EYA2: variants seen among roughly 807,000 people sequenced by gnomAD.
The protein encoded by EYA2 is EYA transcriptional coactivator and phosphatase 2.
In EYA2, 31 loss-of-function variants were observed where a neutral mutation model predicts 69.2. The ratio of observed to expected loss-of-function variants is 0.45; its 90% confidence interval spans 0.34 to 0.60. The LOEUF is 0.60. Ranked by LOEUF, EYA2 falls within the 20% of genes least tolerant of loss-of-function variation. EYA2 has a pLI of 0.02. For missense variants in EYA2, 622 were observed against 701.2 expected, an observed-to-expected ratio of 0.89 and a Z score of 1.28; for synonymous variants, 257 against 279.4, an observed-to-expected ratio of 0.92 and a Z score of 0.80.
chr20:46,958,745 A>G (rs1979293610), intron 1 of EYA2, among the ~76,000 whole-genome samples: 1 of 152,086 alleles, frequency 6.6e-6, no homozygotes, highest in Admixed American at 6.5e-5. Flanking sequence ...CTGTGTGTCC[A>G]TGTATTCTCA....
At chr20:47,063,579 C>T (rs1210987688) in intron 5 of EYA2, among the ~76,000 whole-genome samples, 1 of 152,144 alleles carries the variant, frequency 6.6e-6, no homozygotes, top group Non-Finnish European at 1.5e-5. Context: ...TTTGCAACTC[C>T]CTGCCCCTTT....
chr20:47,147,280 C>G (rs1189599553), intron 10 of EYA2, among the ~76,000 whole-genome samples: 1 of 151,922 alleles, frequency 6.6e-6, no homozygotes, highest in Non-Finnish European at 1.5e-5. Context: ...AACTCCTGAC[C>G]TCAAGTGATC....
chr20:47,171,882 C>A (rs75544248), intron 11 of EYA2, among the ~76,000 whole-genome samples: 2,714 of 151,580 alleles, frequency 0.018, 116 homozygotes, highest in East Asian at 0.18. Context: ...ACTTGAGGTC[C>A]GGAGTGCAAG....
At chr20:47,013,750 T>C (rs1983230407) in intron 4 of EYA2, among the ~76,000 whole-genome samples, 1 of 151,682 alleles carries the variant, frequency 6.6e-6, no homozygotes, top group African/African-American at 2.4e-5. Context: ...CACTGCAGAG[T>C]TTAGATTTTA....
chr20:47,065,741 C>A (rs2031084784), intron 5 of EYA2, among the ~76,000 whole-genome samples: 1 of 152,116 alleles, frequency 6.6e-6, no homozygotes, highest in South Asian at 2.1e-4. Context: ...CTTTCAATTT[C>A]TCTATTTATC....
At chr20:47,026,322 G>A (rs1984080612) in intron 5 of EYA2, among the ~76,000 whole-genome samples, 1 of 152,096 alleles carries the variant, frequency 6.6e-6, no homozygotes, top group Admixed American at 6.5e-5. Context: ...AAAAATACTA[G>A]AACGAGAATA....
chr20:46,987,999 G>GATATATATATATATATATAT (rs1568707249), intron 1 of EYA2, among the ~76,000 whole-genome samples: 1 of 37,118 alleles, frequency 2.7e-5, no homozygotes, highest in African/African-American at 1.2e-4. Context: ...TATATATATG[G>GATATATATATATATATATAT]GGCAAAAAAA....
At chr20:46,898,479 A>G (rs1440178661) in intron 1 of EYA2, among the ~76,000 whole-genome samples, 1 of 151,922 alleles carries the variant, frequency 6.6e-6, no homozygotes, top group African/African-American at 2.4e-5. Flanking sequence ...CCCCAATGTC[A>G]TAACAGCTTC....
At chr20:47,002,294 A>G (rs959274657) in intron 3 of EYA2, among the ~76,000 whole-genome samples, 2 of 152,104 alleles carry the variant, frequency 1.3e-5, no homozygotes, top group Non-Finnish European at 2.9e-5. Context: ...TGCACCTGTC[A>G]ACCCATCACC....
At chr20:46,934,574 G>A (rs190754063) in intron 1 of EYA2, among the ~76,000 whole-genome samples, 3 of 152,170 alleles carry the variant, frequency 2.0e-5, no homozygotes, top group East Asian at 1.9e-4. Flanking sequence ...AGGGTGAAGC[G>A]GGAGAGGCTC....
chr20:46,979,763 C>T (rs1471772292), intron 1 of EYA2: 1 of 152,154 alleles, frequency 6.6e-6, no homozygotes, highest in Non-Finnish European at 1.5e-5. Flanking sequence ...TGACAGTTTC[C>T]AGTGTCTACC....
chr20:47,009,568 G>C (rs1460344004), intron 4 of EYA2, among the ~76,000 whole-genome samples: 2 of 152,148 alleles, frequency 1.3e-5, no homozygotes, highest in African/African-American at 4.8e-5. Context: ...TCCTCTCAAA[G>C]ATTCCTGTGC....
intron 5 of EYA2, chr20:47,071,957 G>A: frequency 1.8e-6 from 1 of 565,666 alleles, no homozygotes; most frequent in Non-Finnish European, 3.2e-6. Flanking sequence ...CACCCAGGAG[G>A]CCGTGGTGAT....
At position 47,024,204 on chromosome 20, in the gene EYA2, A is replaced by G. The variant is rs555797362; in HGVS notation, c.415+7907A>G. Among the ~76,000 whole-genome samples the G allele has an allele frequency of 2.6e-5, 4 of 152,336 alleles. No individual in the cohort carries two copies. The South Asian group carries it at 8.3e-4, about 32-fold the overall frequency. ...GCTGGATATTTTTATATTCCTATAAATACTTTTGAGCTTTGTTCTGGGATG... is the reference window on the plus strand; with the variant it reads ...GCTGGATATTTTTATATTCCTATAAGTACTTTTGAGCTTTGTTCTGGGATG... On this transcript the variant is annotated intron_variant, in intron 5 of 15. Coordinates refer to ENST00000327619, the MANE Select transcript of EYA2 (RefSeq NM_005244.5).
At chr20:47,127,544 C>T (rs766764061) in intron 9 of EYA2, among the ~76,000 whole-genome samples, 5 of 152,216 alleles carry the variant, frequency 3.3e-5, no homozygotes, top group African/African-American at 7.2e-5. Flanking sequence ...GCAGAGGTTA[C>T]AGTGAGCCAA....
At chr20:47,080,805 G>C (rs577953698) in intron 7 of EYA2, among the ~76,000 whole-genome samples, 16 of 152,118 alleles carry the variant, frequency 1.1e-4, no homozygotes, top group Admixed American at 2.0e-4. Flanking sequence ...CAGGCGAACT[G>C]CCACTTTCTT....
At chr20:47,021,834 C>T (rs924391994) in intron 5 of EYA2, among the ~76,000 whole-genome samples, 2 of 151,872 alleles carry the variant, frequency 1.3e-5, no homozygotes, top group South Asian at 2.1e-4. Flanking sequence ...GATCTCAGCT[C>T]GAGACCTCCG....
At chr20:47,146,190 C>G (rs1436522102) in intron 10 of EYA2, among the ~76,000 whole-genome samples, 1 of 152,104 alleles carries the variant, frequency 6.6e-6, no homozygotes, top group East Asian at 1.9e-4. Flanking sequence ...GATCCCATCC[C>G]CCTGTCTGGG....
At chr20:47,155,964 G>A (rs2033913547) in intron 10 of EYA2, among the ~76,000 whole-genome samples, 1 of 149,140 alleles carries the variant, frequency 6.7e-6, no homozygotes, top group South Asian at 2.2e-4. Flanking sequence ...GTCACTTGAG[G>A]TCAGGAGTTC....
Sources: allele counts gnomAD v4.1 joint callset (sites outside exome capture counted in the v4.1 genomes callset), GRCh38; gene constraint gnomAD v4.1.1; transcripts MANE v1.5; gene names NCBI Gene and HGNC (gene_info 2026-07-23, HGNC 2026-07-21).